CERS6: variants seen among roughly 807,000 people sequenced by gnomAD.
The protein encoded by CERS6 is ceramide synthase 6.
CERS6 carries 26 observed loss-of-function variants against 56.8 expected under a neutral mutation model. The observed-to-expected ratio is 0.46, with a 90% CI of 0.34 to 0.63. The LOEUF is 0.63. CERS6 is among the 30% of genes least tolerant of loss of function. The pLI is 0.01. For synonymous variants in CERS6, 164 were observed against 173.3 expected (o/e 0.95, Z 0.42); for missense variants, 415 against 467.5 (o/e 0.89, Z 1.04).
chr2:168,773,172 A>T lies in CERS6; in HGVS notation c.*3510A>T, dbSNP rs1209677386. ...GTCCCCAATCTCTTCATGATGTTGCATTAATAGTTGTTTTTGTCCCTTTCT... is the reference window on the plus strand; with the variant it reads ...GTCCCCAATCTCTTCATGATGTTGCTTTAATAGTTGTTTTTGTCCCTTTCT... On this transcript the variant is annotated 3_prime_UTR_variant, in exon 10 of 10. Coordinates refer to ENST00000305747, the MANE Select transcript of CERS6 (RefSeq NM_203463.3). 1 of 152,214 alleles carries T rather than the reference A, an allele frequency of 6.6e-6. No individual in the cohort carries two copies. Among genetic ancestry groups the T allele is most frequent in the Non-Finnish European group, 1.5e-5 (1 of 68,040 alleles). 9.4% of individuals were successfully genotyped at this position (152,214 alleles called of 1,614,324 possible). A position where few individuals can be genotyped will look rare whatever the true frequency, so the allele number is the denominator to read the frequency against.
chr2:168,511,979 C>CAG (rs1491065054), intron 1 of CERS6, among the ~76,000 whole-genome samples: 1 of 142,982 alleles, frequency 7.0e-6, no homozygotes. Context: ...CACACACACA[C>CAG]AGGAATATCA....
intron 4 of CERS6, among the ~76,000 whole-genome samples, chr2:168,639,924 C>T (rs557663553): frequency 1.3e-5 from 2 of 152,050 alleles, no homozygotes; most frequent in Non-Finnish European, 2.9e-5. Context: ...TGACAGGGGC[C>T]GTTGCTGTCA....
chr2:168,767,079 A>G (rs1431624120), intron 9 of CERS6, among the ~76,000 whole-genome samples: 1 of 152,240 alleles, frequency 6.6e-6, no homozygotes, highest in Non-Finnish European at 1.5e-5. Flanking sequence ...TAAATATGCA[A>G]GAATGCTGCT....
At chr2:168,501,844 A>G (rs1445322366) in intron 1 of CERS6, among the ~76,000 whole-genome samples, 1 of 152,188 alleles carries the variant, frequency 6.6e-6, no homozygotes, top group Non-Finnish European at 1.5e-5. Context: ...GTTCAAACAC[A>G]CCAGATAGGA....
intron 4 of CERS6, among the ~76,000 whole-genome samples, chr2:168,674,925 G>A (rs1033776368): frequency 2.0e-5 from 3 of 151,766 alleles, no homozygotes; most frequent in Non-Finnish European, 4.4e-5. Flanking sequence ...GGTATTTATT[G>A]TATAAACAAT....
chr2:168,581,571 T>G (rs1683411332), intron 3 of CERS6, among the ~76,000 whole-genome samples: 1 of 152,170 alleles, frequency 6.6e-6, no homozygotes, highest in Non-Finnish European at 1.5e-5. Context: ...TTTATTATCT[T>G]CTCCTTCTAG....
chr2:168,486,545 G>A lies in CERS6; in HGVS notation c.170+29927G>A, dbSNP rs1316044243. Among the ~76,000 whole-genome samples the A allele has an allele frequency of 2.2e-5, 3 of 133,768 alleles. No individual in the cohort carries two copies. In the Admixed American group the frequency reaches 2.5e-4, roughly 11 times the overall value. 87.8% of individuals were successfully genotyped at this position (133,768 alleles called of 152,430 possible). A position where few individuals can be genotyped will look rare whatever the true frequency, so the allele number is the denominator to read the frequency against. ...TTTTGTTTTTTTTTTTTTTGCCTAT[G>A]GCTGTTTAATTGTTCCGGAACCATT... On this transcript the variant is annotated intron_variant, in intron 1 of 9. Coordinates refer to ENST00000305747, the MANE Select transcript of CERS6 (RefSeq NM_203463.3).
intron 3 of CERS6, among the ~76,000 whole-genome samples, chr2:168,621,044 C>A (rs1232168918): frequency 6.6e-6 from 1 of 152,130 alleles, no homozygotes; most frequent in African/African-American, 2.4e-5. Context: ...ATCAAATGTA[C>A]ATGCTTTTTG....
chr2:168,464,304 G>C (rs1693832170), intron 1 of CERS6, among the ~76,000 whole-genome samples: 1 of 151,626 alleles, frequency 6.6e-6, no homozygotes, highest in Non-Finnish European at 1.5e-5. Context: ...TGATTCTCAT[G>C]CCTCAGCCCC....
intron 1 of CERS6, among the ~76,000 whole-genome samples, chr2:168,490,812 A>G (rs753754389): frequency 5.9e-5 from 9 of 152,106 alleles, no homozygotes; most frequent in East Asian, 3.9e-4. Flanking sequence ...AAGTACGTCT[A>G]TACCTCAAAG....
At chr2:168,597,133 G>A (rs1257443676) in intron 3 of CERS6, among the ~76,000 whole-genome samples, 1 of 152,100 alleles carries the variant, frequency 6.6e-6, no homozygotes, top group Non-Finnish European at 1.5e-5. Flanking sequence ...TAGGGATGGC[G>A]CCAGGTTTGA....
At chr2:168,598,962 A>C (rs535581649) in intron 3 of CERS6, among the ~76,000 whole-genome samples, 1 of 152,340 alleles carries the variant, frequency 6.6e-6, no homozygotes, top group Admixed American at 6.5e-5. Flanking sequence ...TCAGGAGAGG[A>C]AGCAGGCTGT....
At chr2:168,743,244 GTA>G (rs66764205) in intron 8 of CERS6, among the ~76,000 whole-genome samples, 2,175 of 151,012 alleles carry the variant, frequency 0.014, 68 homozygotes, top group African/African-American at 0.05. Context: ...ATGTGTGTGT[GTA>G]TATATATATA....
At chr2:168,549,626 T>G (rs1695530041) in intron 2 of CERS6, among the ~76,000 whole-genome samples, 1 of 152,202 alleles carries the variant, frequency 6.6e-6, no homozygotes, top group South Asian at 2.1e-4. Context: ...GGAGCAAGAC[T>G]CTGTCTCAAA....
At chr2:168,619,993 T>G (rs1457816153) in intron 3 of CERS6, among the ~76,000 whole-genome samples, 1 of 135,056 alleles carries the variant, frequency 7.4e-6, no homozygotes, top group African/African-American at 2.7e-5. Flanking sequence ...TGATGGGCAT[T>G]TGGGCTGGTT....
At position 168,585,592 on chromosome 2, in the gene CERS6, A is replaced by AAGGC. The variant is rs1460303044; in HGVS notation, c.407+24270_407+24271insAGGC. ...TCATATAGGGAAAGGTCTTTTCACC[A>AAGGC]TGCCTGTGGTGTGGCAGATGCTCCA... On this transcript the variant is annotated intron_variant, in intron 3 of 9. Transcript: ENST00000305747. Among the ~76,000 whole-genome samples, 9 of 152,214 alleles carry AAGGC rather than the reference A, an allele frequency of 5.9e-5. No individual in the cohort carries two copies. In the East Asian group the frequency reaches 1.7e-3, roughly 29 times the overall value.
At chr2:168,731,574 G>A (rs914957682) in intron 8 of CERS6, among the ~76,000 whole-genome samples, 1 of 152,026 alleles carries the variant, frequency 6.6e-6, no homozygotes, top group Non-Finnish European at 1.5e-5. Flanking sequence ...ATACTTCAAG[G>A]TGATGTTCAA....
At chr2:168,574,019 T>C (rs1429402219) in intron 3 of CERS6, among the ~76,000 whole-genome samples, 3 of 152,208 alleles carry the variant, frequency 2.0e-5, no homozygotes, top group African/African-American at 7.2e-5. Flanking sequence ...GAATTTCTTC[T>C]AACGTTGTCC....
intron 6 of CERS6, among the ~76,000 whole-genome samples, chr2:168,695,834 C>A (rs1394702739): frequency 1.3e-5 from 2 of 152,100 alleles, no homozygotes; most frequent in African/African-American, 4.8e-5. Flanking sequence ...TCTCTTCTGC[C>A]CCACATTCTC....
Sources: allele counts gnomAD v4.1 joint callset (sites outside exome capture counted in the v4.1 genomes callset), GRCh38; gene constraint gnomAD v4.1.1; transcripts MANE v1.5; gene names NCBI Gene and HGNC (gene_info 2026-07-23, HGNC 2026-07-21).